EPHA5: variants seen among roughly 807,000 people sequenced by gnomAD.
The protein encoded by EPHA5 is EPH receptor A5, also known as ephrin type-A receptor 5.
Under a neutral mutation model 105.0 loss-of-function variants are expected in EPHA5, and 60 were observed. The ratio of observed to expected loss-of-function variants is 0.57; its 90% CI spans 0.46 to 0.71. EPHA5 has a LOEUF of 0.71. Among genes scored for constraint, EPHA5 ranks in the 30% least tolerant of loss-of-function variants. The pLI, the probability that EPHA5 is intolerant of heterozygous loss-of-function variation, is 0.00. For missense variants in EPHA5, 1,218 were observed against 1,274.7 expected, an observed-to-expected ratio of 0.96 and a Z score of 0.68; for synonymous variants, 513 against 449.1, an observed-to-expected ratio of 1.14 and a Z score of -1.80.
intron 11 of EPHA5, among the ~76,000 whole-genome samples, chr4:65,356,581 T>C (rs1723317529): frequency 6.6e-6 from 1 of 151,490 alleles, no homozygotes. Flanking sequence ...TTTATGACAG[T>C]GTAGGTTGTG....
At chr4:65,579,794 A>G (rs1741436577) in intron 3 of EPHA5, among the ~76,000 whole-genome samples, 1 of 151,946 alleles carries the variant, frequency 6.6e-6, no homozygotes. Context: ...GTAATTTCAA[A>G]CCAGCAATAA....
chr4:65,381,575 T>C (rs542697738), intron 8 of EPHA5, among the ~76,000 whole-genome samples: 7 of 151,828 alleles, frequency 4.6e-5, no homozygotes, highest in Non-Finnish European at 1.0e-4. Flanking sequence ...ATTAACCAAA[T>C]AACACTGAAT....
intron 2 of EPHA5, among the ~76,000 whole-genome samples, chr4:65,641,482 C>T (rs1430423045): frequency 2.0e-5 from 3 of 152,076 alleles, no homozygotes; most frequent in East Asian, 1.9e-4. Flanking sequence ...ATTTCACCTA[C>T]GATTATGTTG....
chr4:65,357,720 C>A (rs1412454643), intron 11 of EPHA5, among the ~76,000 whole-genome samples: 3 of 150,458 alleles, frequency 2.0e-5, no homozygotes, highest in African/African-American at 7.3e-5. Flanking sequence ...TTACAGTATG[C>A]AAGATGAAAA....
intron 3 of EPHA5, among the ~76,000 whole-genome samples, chr4:65,504,728 T>G (rs181273009): frequency 6.6e-6 from 1 of 151,902 alleles, no homozygotes; most frequent in Non-Finnish European, 1.5e-5. Context: ...ACAATATTAC[T>G]TTTTGTTTAT....
intron 5 of EPHA5, among the ~76,000 whole-genome samples, chr4:65,456,360 A>C (rs2149119373): frequency 1.3e-5 from 2 of 152,186 alleles, no homozygotes; most frequent in Middle Eastern, 6.8e-3. Context: ...AGAAAAGGAA[A>C]CAGTAGTATA....
At chr4:65,500,256 T>C (rs1262851347) in intron 3 of EPHA5, among the ~76,000 whole-genome samples, 8 of 151,284 alleles carry the variant, frequency 5.3e-5, no homozygotes, top group Admixed American at 6.6e-5. Context: ...TGCCAGTCAT[T>C]TAAGTTGAGC....
At chr4:65,550,452 A>G (rs538647180) in intron 3 of EPHA5, among the ~76,000 whole-genome samples, 1 of 152,178 alleles carries the variant, frequency 6.6e-6, no homozygotes, top group Non-Finnish European at 1.5e-5. Context: ...GTAAACCATA[A>G]TGATCAAAAT....
chr4:65,351,546 A>G lies in EPHA5; in HGVS notation c.2288T>C (p.Ile763Thr). ...AGAAAGGTACTTCATTCCTGCAGAG[A>G]TACCTCTCAGCATGCCAACAAGCTG... Reference protein sequence around the residue: ...VIQLVGMLRGISAGMKYLSDM... With the variant: ...VIQLVGMLRGTSAGMKYLSDM... The change falls in exon 13 of 17, where the codon ATC (isoleucine) becomes ACC (threonine). Residue 763 changes from isoleucine to threonine, a missense_variant. Coordinates refer to ENST00000613740, the MANE Select transcript of EPHA5 (RefSeq NM_001281766.3). 6.2e-7 allele frequency: 1 copy of G among 1,613,706 alleles called. No homozygotes were observed. Among genetic ancestry groups the G allele is most frequent in the Non-Finnish European group, 8.5e-7 (1 of 1,179,766 alleles).
At chr4:65,660,939 C>T (rs1180633404) in intron 1 of EPHA5, among the ~76,000 whole-genome samples, 4 of 152,068 alleles carry the variant, frequency 2.6e-5, no homozygotes, top group African/African-American at 7.2e-5. Context: ...CCTTACCCAG[C>T]AAACAAAGAG....
At position 65,391,255 on chromosome 4, in the gene EPHA5, C is replaced by T. The variant is rs376973188; in HGVS notation, c.1793+13119G>A. 1.7e-3 allele frequency among the ~76,000 whole-genome samples: 262 copies of T among 152,164 alleles called. 1 individual carries two copies. The highest frequency in any genetic ancestry group is 5.9e-3 in the African/African-American group (244 of 41,540). ...GGGGACACAAAGCCTAACCATATCA[C>T]TTGAAATAGAATATGCTTTTTATCA... is the stretch of plus-strand genomic sequence containing the variant. On this transcript the variant is annotated intron_variant, in intron 8 of 16. Transcript: ENST00000613740.
chr4:65,351,347 G>T (rs1242819310), intron 13 of EPHA5, 42 bp downstream of exon 13: 1 of 1,527,196 alleles, frequency 6.5e-7, no homozygotes, highest in Non-Finnish European at 9.0e-7. Flanking sequence ...AAAATAAATG[G>T]CTCTGGTCTA....
chr4:65,556,469 A>G (rs1190635464), intron 3 of EPHA5, among the ~76,000 whole-genome samples: 1 of 152,154 alleles, frequency 6.6e-6, no homozygotes, highest in African/African-American at 2.4e-5. Context: ...AAAAAGATAT[A>G]TGGAATTAAA....
intron 5 of EPHA5, among the ~76,000 whole-genome samples, chr4:65,422,950 G>A (rs1053324738): frequency 6.6e-6 from 1 of 151,914 alleles, no homozygotes; most frequent in Non-Finnish European, 1.5e-5. Context: ...ATCAATTAAA[G>A]TCCACAGTTT....
intron 12 of EPHA5, among the ~76,000 whole-genome samples, chr4:65,352,189 A>G (rs1478784855): frequency 6.6e-6 from 1 of 152,026 alleles, no homozygotes; most frequent in Non-Finnish European, 1.5e-5. Flanking sequence ...AAGAGACTGG[A>G]GTACTTAAAG....
At chr4:65,588,904 A>G (rs1321432270) in intron 3 of EPHA5, among the ~76,000 whole-genome samples, 1 of 152,134 alleles carries the variant, frequency 6.6e-6, no homozygotes, top group Admixed American at 6.6e-5. Flanking sequence ...CACAAACAAA[A>G]ACAGAAGGAA....
chr4:65,495,405 G>T lies in EPHA5; in HGVS notation c.1049C>A (p.Pro350His), dbSNP rs772410607. 6.2e-7 allele frequency: 1 copy of T among 1,613,266 alleles called. No individual in the cohort carries two copies. Among genetic ancestry groups the T allele is most frequent in the Non-Finnish European group, 8.5e-7 (1 of 1,179,588 alleles). ...TTCCTTACTTGTGCATGCCATTGTGGGTGGATCAGACTCTCTCCTGAAATA... is the reference window on the plus strand; with the variant it reads ...TTCCTTACTTGTGCATGCCATTGTGTGTGGATCAGACTCTCTCCTGAAATA... Reference protein sequence around the residue: ...KDYFRRESDPPTMACTRPPSA... With the variant: ...KDYFRRESDPHTMACTRPPSA... The change falls in exon 4 of 17, where the codon CCC becomes CAC. Residue 350 changes from proline (P) to histidine (H), a missense_variant. By Grantham distance (77) the Pro-to-His change is moderately conservative (BLOSUM62 -2). Coordinates refer to ENST00000613740, the MANE Select transcript of EPHA5 (RefSeq NM_001281766.3).
intron 1 of EPHA5, among the ~76,000 whole-genome samples, chr4:65,650,073 T>C (rs1176355439): frequency 6.6e-6 from 1 of 152,204 alleles, no homozygotes; most frequent in Non-Finnish European, 1.5e-5. Flanking sequence ...TTTGTCCATC[T>C]GTCTCTCCTA....
intron 2 of EPHA5, among the ~76,000 whole-genome samples, chr4:65,604,161 C>A (rs1215006535): frequency 9.3e-5 from 1 of 10,784 alleles, no homozygotes; most frequent in Non-Finnish European, 2.7e-4. Flanking sequence ...CTAGTAGGAT[C>A]CTCCTAGCAA....
Sources: allele counts gnomAD v4.1 joint callset (sites outside exome capture counted in the v4.1 genomes callset), GRCh38; gene constraint gnomAD v4.1.1; transcripts MANE v1.5; gene names NCBI Gene and HGNC (gene_info 2026-07-23, HGNC 2026-07-21).